The following PCLO variants were observed in gnomAD, a reference collection of about 807,000 sequenced individuals.
PCLO encodes the protein piccolo presynaptic cytomatrix protein.
PCLO carries 82 observed loss-of-function variants against 427.5 expected under a neutral mutation model. That is an observed-to-expected ratio of 0.19 (90% confidence interval 0.16 to 0.23). The LOEUF is 0.23. Among genes scored for constraint, PCLO ranks in the 10% least tolerant of loss-of-function variants. The probability of loss-of-function intolerance (pLI) is 1.00; values close to 1 mark genes in which losing one functional copy is unlikely to be tolerated. For synonymous variants in PCLO, 2,357 were observed against 2,155.4 expected (o/e 1.09, Z -2.59); for missense variants, 6,239 against 6,115.9 (o/e 1.02, Z -0.67).
intron 24 of PCLO, 36 bp downstream of exon 24, chr7:82,760,603 G>A (rs1267574484): frequency 7.3e-7 from 1 of 1,374,818 alleles, no homozygotes; most frequent in African/African-American, 1.5e-5. Context: ...ATATGAATGA[G>A]AAGTTTCAAA....
chr7:82,766,320 C>T (rs1790531470), intron 22 of PCLO, among the ~76,000 whole-genome samples: 1 of 151,996 alleles, frequency 6.6e-6, no homozygotes, highest in African/African-American at 2.4e-5. Context: ...TATATCTTTT[C>T]ATAGGAATAA....
intron 3 of PCLO, among the ~76,000 whole-genome samples, chr7:83,037,964 G>A (rs1309374867): frequency 1.0e-5 from 1 of 97,126 alleles, no homozygotes; most frequent in Non-Finnish European, 2.0e-5. Flanking sequence ...TCCCGTGTTA[G>A]TTGTGTGGAG....
At position 82,952,952 on chromosome 7, in the gene PCLO, T is replaced by C. The variant is rs373805043; in HGVS notation, c.8001A>G (p.Thr2667=). 2.2e-5 allele frequency: 35 copies of C among 1,613,848 alleles called. No homozygotes were observed. The highest frequency in any genetic ancestry group is 2.8e-5 in the Non-Finnish European group (33 of 1,179,826). ...SSFQAAPTSV[T]QFLTTEVSKT... ...TGGAAACTTCAGTAGTGAGAAACTG[T>C]GTAACTGATGTGGGAGCTGCTTGAA... Residue 2667 remains threonine (T), a synonymous_variant, in exon 5 of 25, where the codon ACA becomes ACG. Coordinates refer to ENST00000333891, the MANE Select transcript of PCLO (RefSeq NM_033026.6).
chr7:83,004,848 T>C (rs7788794), intron 3 of PCLO, among the ~76,000 whole-genome samples: 84,031 of 151,290 alleles, frequency 0.56, 23,939 homozygotes, highest in East Asian at 0.86. Context: ...ATAACCTAAT[T>C]TTAAAATGGG....
At position 82,953,981 on chromosome 7, in the gene PCLO, C is replaced by T. The variant is rs267601597; in HGVS notation, c.6972G>A (p.Lys2324=). The T allele has an allele frequency of 6.2e-7, 1 of 1,613,912 alleles. No individual in the cohort carries two copies. Among genetic ancestry groups the T allele is most frequent in the East Asian group, 2.2e-5 (1 of 44,870 alleles). The change falls in exon 5 of 25, where the codon AAG becomes AAA. Residue 2324 remains lysine, a synonymous_variant. Coordinates refer to ENST00000333891, the MANE Select transcript of PCLO (RefSeq NM_033026.6). ...TTTTTGTTCGTTCGGCCTCCAACTC[C>T]TTTTTATCTCTGTAAGCTTCCAAAA... The part of the protein sequence containing the change: ...LEVLEAYRDK[K]ELEAERTKSS...
intron 17 of PCLO, among the ~76,000 whole-genome samples, 184 bp from the exon 18 acceptor site, chr7:82,826,844 G>T (rs766079247): frequency 3.3e-5 from 5 of 151,886 alleles, no homozygotes; most frequent in Admixed American, 6.6e-5. Context: ...GAATGATTTT[G>T]CACTCTAAAC....
At chr7:82,958,564 TACTC>T (rs1156761309) in intron 4 of PCLO, among the ~76,000 whole-genome samples, 1 of 152,214 alleles carries the variant, frequency 6.6e-6, no homozygotes, top group Non-Finnish European at 1.5e-5. Flanking sequence ...TTTACAATGT[TACTC>T]AATTAAAAAA....
chr7:82,824,406 T>A lies in PCLO; in HGVS notation c.14426A>T (p.Asp4809Val), dbSNP rs1791881509. The A allele has an allele frequency of 6.3e-7, 1 of 1,590,624 alleles. No individual in the cohort carries two copies. Among genetic ancestry groups the A allele is most frequent in the Non-Finnish European group, 8.6e-7 (1 of 1,166,014 alleles). Residue 4809 changes from aspartate (D) to valine (V), a missense_variant, in exon 19 of 25, where the codon GAT becomes GTT. Asp to Val is a radical substitution (Grantham distance 152, BLOSUM62 -3). Coordinates refer to ENST00000333891, the MANE Select transcript of PCLO (RefSeq NM_033026.6). ...SNDFLGEVLI[D>V]LSSTSHLDNT... is the part of the protein sequence containing the mutation. ...ATCGAGGTGAGATGTGCTAGATAAA[T>A]CAATCAATACCTGAAAAAAAGTGTA... is the stretch of plus-strand genomic sequence containing the variant.
intron 13 of PCLO, among the ~76,000 whole-genome samples, chr7:82,844,313 A>T (rs2115799334): frequency 6.6e-6 from 1 of 152,280 alleles, no homozygotes; most frequent in South Asian, 2.1e-4. Flanking sequence ...TTTAAAATTT[A>T]GCCTAACTGC....
In PCLO at chr7:82,953,185, C is replaced by G; in HGVS notation, c.7768G>C (p.Gly2590Arg). Reference protein sequence around the residue: ...YVVITLPSEPGTPTDSSASQA... With the variant: ...YVVITLPSEPRTPTDSSASQA... ...CTAGCAGAAGAATCTGTTGGAGTCCCTGGTTCAGATGGCAATGTAATAACT... is the reference window on the plus strand; with the variant it reads ...CTAGCAGAAGAATCTGTTGGAGTCCGTGGTTCAGATGGCAATGTAATAACT... The change falls in exon 5 of 25, where the codon GGG (glycine) becomes CGG (arginine). Residue 2590 changes from glycine to arginine, a missense_variant. This residue lies in a region of PCLO where 4,677 missense variants were observed against 4,468.4 expected (regional missense o/e 1.05). Coordinates refer to ENST00000333891, the MANE Select transcript of PCLO (RefSeq NM_033026.6). 6.2e-7 allele frequency: 1 copy of G among 1,613,926 alleles called. No individual in the cohort carries two copies. The highest frequency in any genetic ancestry group is 8.5e-7 in the Non-Finnish European group (1 of 1,179,872).
chr7:83,123,350 G>C (rs1791335666), intron 3 of PCLO, among the ~76,000 whole-genome samples: 1 of 152,134 alleles, frequency 6.6e-6, no homozygotes, highest in Admixed American at 6.5e-5. Context: ...TTTCAACAAA[G>C]ATGCCAAGAA....
chr7:82,975,340 C>T (rs1174834359), intron 3 of PCLO, among the ~76,000 whole-genome samples: 1 of 152,138 alleles, frequency 6.6e-6, no homozygotes, highest in Non-Finnish European at 1.5e-5. Flanking sequence ...ATTTGTAGAA[C>T]ATGTTACAAG....
chr7:82,760,746 G>T lies in PCLO; in HGVS notation c.15181C>A (p.Gln5061Lys). The T allele has an allele frequency of 6.6e-7, 1 of 1,524,384 alleles. No individual in the cohort carries two copies. The highest frequency in any genetic ancestry group is 1.7e-5 in the Admixed American group (1 of 57,940). The allele number at this position is 1,524,384 out of a possible 1,614,324, so 94.4% of individuals were successfully genotyped here. The change falls in exon 24 of 25, where the codon CAA becomes AAA. Residue 5061 changes from glutamine (Q) to lysine (K), a missense_variant. Gln to Lys is a moderately conservative substitution (Grantham distance 53, BLOSUM62 1). This residue lies in a region of PCLO where 877 missense variants were observed against 925.5 expected (regional missense o/e 0.95). Coordinates refer to ENST00000333891, the MANE Select transcript of PCLO (RefSeq NM_033026.6). ...GTTTTTTTCTTGATCACCTTTTTTTGGGTAGAAATATTCATCACATATATT... is the reference window on the plus strand; with the variant it reads ...GTTTTTTTCTTGATCACCTTTTTTTTGGTAGAAATATTCATCACATATATT... ...VKIYVMNISTQKKVIKKKTRV... is the reference protein window; with the variant it reads ...VKIYVMNISTKKKVIKKKTRV...
At position 82,955,904 on chromosome 7, in the gene PCLO, C is replaced by T. The variant is rs1795503431; in HGVS notation, c.5049G>A (p.Glu1683=). 15 of 1,613,912 alleles carry T rather than the reference C, an allele frequency of 9.3e-6. No individual in the cohort carries two copies. Among genetic ancestry groups the T allele is most frequent in the Non-Finnish European group, 1.3e-5 (15 of 1,179,866 alleles). The change falls in exon 5 of 25, where the codon GAG becomes GAA. Residue 1683 remains glutamate, a synonymous_variant. Transcript: ENST00000333891. The part of the protein sequence containing the change: ...NSTIADKYSA[E]SSQKKTSLYF... The stretch of plus-strand genomic sequence containing the variant: ...ACAAACTTGTTTTTTTCTGTGATGA[C>T]TCTGCAGAATATTTATCTGCTATTG...
chr7:82,955,753 C>T lies in PCLO; in HGVS notation c.5200G>A (p.Val1734Ile), dbSNP rs564004901. Reference sequence around the variant, plus strand: ...TCACTGTCCTCATCAAGTGATGATACTGATGTAGGGGATGTACCAGGAGTG... The same window carrying T: ...TCACTGTCCTCATCAAGTGATGATATTGATGTAGGGGATGTACCAGGAGTG... ...SFTPGTSPTS[V>I]SSLDEDSDSS... Residue 1734 changes from valine to isoleucine, a missense_variant, in exon 5 of 25, where the codon GTA becomes ATA. Transcript: ENST00000333891. The T allele has an allele frequency of 6.2e-7, 1 of 1,613,760 alleles. No individual in the cohort carries two copies. The highest frequency in any genetic ancestry group is 1.7e-5 in the Admixed American group (1 of 59,996).
chr7:82,905,169 T>C (rs530982210), intron 8 of PCLO, among the ~76,000 whole-genome samples: 24 of 152,066 alleles, frequency 1.6e-4, no homozygotes, highest in Non-Finnish European at 2.9e-4. Flanking sequence ...GTTATCATTG[T>C]CTTTTGGTGA....
intron 3 of PCLO, among the ~76,000 whole-genome samples, chr7:83,092,263 T>A (rs2116443114): frequency 6.6e-6 from 1 of 152,276 alleles, no homozygotes; most frequent in Admixed American, 6.5e-5. Flanking sequence ...AGAGACATGA[T>A]AGCTTTTCAG....
chr7:83,088,056 C>T (rs138267040), intron 3 of PCLO, among the ~76,000 whole-genome samples: 94 of 152,232 alleles, frequency 6.2e-4, no homozygotes, highest in African/African-American at 2.0e-3. Context: ...TTACAAATCG[C>T]TCCTTTTAAA....
intron 20 of PCLO, among the ~76,000 whole-genome samples, chr7:82,808,164 T>C (rs561132331): frequency 1.8e-4 from 27 of 152,070 alleles, no homozygotes; most frequent in South Asian, 4.1e-4. Flanking sequence ...TAGTATGACA[T>C]TGAATGGAAG....
Sources: allele counts gnomAD v4.1 joint callset (sites outside exome capture counted in the v4.1 genomes callset), GRCh38; gene constraint gnomAD v4.1.1; regional missense constraint gnomAD v4.1.1; transcripts MANE v1.5; gene names NCBI Gene and HGNC (gene_info 2026-07-23, HGNC 2026-07-21).